RAPGEF1: variants seen among roughly 807,000 people sequenced by gnomAD.
RAPGEF1 encodes CRK SH3-binding GNRP.
In RAPGEF1, 33 loss-of-function variants were observed where a neutral mutation model predicts 143.3. The ratio of observed to expected loss-of-function variants is 0.23; its 90% CI spans 0.17 to 0.31. The LOEUF is 0.31. Ranked by LOEUF, RAPGEF1 falls within the 10% of genes least tolerant of loss-of-function variation. The probability of loss-of-function intolerance (pLI) is 1.00; values close to 1 mark genes in which losing one functional copy is unlikely to be tolerated. For synonymous variants in RAPGEF1, 629 were observed against 676.5 expected, an observed-to-expected ratio of 0.93 and a Z score of 1.09; for missense variants, 1,199 against 1,645.4, an observed-to-expected ratio of 0.73 and a Z score of 4.69.
At chr9:131,672,402 G>A (rs748978785) in intron 1 of RAPGEF1, among the ~76,000 whole-genome samples, 3 of 152,172 alleles carry the variant, frequency 2.0e-5, no homozygotes, top group Non-Finnish European at 2.9e-5. Flanking sequence ...ATCAGATGAC[G>A]GCATCAGTGT....
chr9:131,585,814 G>A (rs1952630566), intron 22 of RAPGEF1, among the ~76,000 whole-genome samples: 1 of 152,042 alleles, frequency 6.6e-6, no homozygotes, highest in South Asian at 2.1e-4. Context: ...CTGCTATGGG[G>A]GCTTTGTCGC....
rs1025074090 is a variant in RAPGEF1, at chr9:131,655,582, G to A, written c.62-4633C>T. On this transcript the variant is annotated intron_variant, in intron 1 of 26. Coordinates refer to ENST00000683357, the MANE Select transcript of RAPGEF1 (RefSeq NM_001377935.1). The surrounding 1 kb of genome is among the most constrained non-coding windows in gnomAD (Gnocchi z 4.1). ...GGATGTGAACAGTCTAATCCTTCAT[G>A]TGATGCTTAAGAGGGTGTGCACTGT... 6.6e-6 allele frequency among the ~76,000 whole-genome samples: 1 copy of A among 152,178 alleles called. No individual in the cohort carries two copies. The highest frequency in any genetic ancestry group is 6.5e-5 in the Admixed American group (1 of 15,282).
chr9:131,721,413 G>A (rs1020165335), intron 1 of RAPGEF1, among the ~76,000 whole-genome samples: 1 of 152,166 alleles, frequency 6.6e-6, no homozygotes, highest in African/African-American at 2.4e-5. Context: ...GAGGCTAGAA[G>A]AGAGGTGCAT....
At chr9:131,630,465 T>TG in intron 5 of RAPGEF1, 141 bp from the exon 6 acceptor site, 11 of 753,536 alleles carry the variant, frequency 1.5e-5, no homozygotes, top group East Asian at 2.7e-5. Context: ...TAAACGCAAG[T>TG]ATCACTTGCC....
intron 1 of RAPGEF1, among the ~76,000 whole-genome samples, chr9:131,718,241 C>T (rs1835997883): frequency 1.3e-5 from 2 of 152,202 alleles, no homozygotes; most frequent in South Asian, 4.1e-4. Flanking sequence ...GCACAAAAGC[C>T]AGTGTGGCTG....
chr9:131,587,158 A>C (rs1953216345), intron 22 of RAPGEF1, among the ~76,000 whole-genome samples: 2 of 126,130 alleles, frequency 1.6e-5, no homozygotes, highest in African/African-American at 6.6e-5. Flanking sequence ...ACACACACAC[A>C]CCTGCAGAGC....
intron 20 of RAPGEF1, 111 bp from the exon 21 acceptor site, chr9:131,588,137 G>C: frequency 1.1e-6 from 1 of 925,866 alleles, no homozygotes; most frequent in South Asian, 1.4e-5. Context: ...TGCCCAGCAG[G>C]AGCGTGGAGG....
chr9:131,716,276 A>C (rs1835857605), intron 1 of RAPGEF1, among the ~76,000 whole-genome samples: 1 of 152,246 alleles, frequency 6.6e-6, no homozygotes. Context: ...TGGCTTTTCA[A>C]GAAGCTTCAT....
At chr9:131,711,315 G>A (rs1351673831) in intron 1 of RAPGEF1, among the ~76,000 whole-genome samples, 1 of 150,562 alleles carries the variant, frequency 6.6e-6, no homozygotes, top group South Asian at 2.1e-4. Context: ...GCCTCCCAAA[G>A]TCCTGGGATT....
In RAPGEF1 at chr9:131,650,322, T is replaced by C. The variant is rs1970761279; in HGVS notation, c.202-80A>G. On this transcript the variant is annotated intron_variant, in intron 2 of 26. Coordinates refer to ENST00000683357, the MANE Select transcript of RAPGEF1 (RefSeq NM_001377935.1). This position sits in a 1 kb window ranked among gnomAD's most constrained non-coding sequence, Gnocchi z 4.7. ...GAAGGGAGGGGTTGATGAAAGTCAA[T>C]AGCTGTTTCAACATATCTGGCTTGA... The C allele has an allele frequency of 9.3e-7, 1 of 1,078,702 alleles. No homozygotes were observed. The highest frequency in any genetic ancestry group is 3.0e-4 in the Middle Eastern group (1 of 3,380). The allele number at this position is 1,078,702 out of a possible 1,614,324, so 66.8% of individuals were successfully genotyped here.
Position 131,628,722 on chromosome 9 carries a change from T to C in RAPGEF1, c.894-50A>G. 1 of 1,538,694 alleles carries C rather than the reference T, an allele frequency of 6.5e-7. No individual in the cohort carries two copies. Among genetic ancestry groups the C allele is most frequent in the Non-Finnish European group, 8.8e-7 (1 of 1,137,722 alleles). ...CAGACCAAACCACACTCACCAAAGC[T>C]CTTCAGCGTGATATTGGGGTACAGG... On this transcript the variant is annotated intron_variant, in intron 7 of 26. Coordinates refer to ENST00000683357, the MANE Select transcript of RAPGEF1 (RefSeq NM_001377935.1). This position sits in a 1 kb window ranked among gnomAD's most constrained non-coding sequence, Gnocchi z 5.7.
At chr9:131,619,481 G>A (rs1281994464) in intron 11 of RAPGEF1, among the ~76,000 whole-genome samples, 1 of 152,206 alleles carries the variant, frequency 6.6e-6, no homozygotes, top group African/African-American at 2.4e-5. Context: ...GGGGGCTGGA[G>A]CCACACAGAA....
At chr9:131,642,935 G>A (rs1968455270) in intron 4 of RAPGEF1, among the ~76,000 whole-genome samples, 1 of 152,156 alleles carries the variant, frequency 6.6e-6, no homozygotes, top group African/African-American at 2.4e-5. Context: ...GTGAATCCAG[G>A]CTCCATGTCC....
At chr9:131,697,147 CAG>C (rs2131075216) in intron 1 of RAPGEF1, among the ~76,000 whole-genome samples, 1 of 152,322 alleles carries the variant, frequency 6.6e-6, no homozygotes, top group Admixed American at 6.5e-5. Context: ...GAAAGCGCAG[CAG>C]AGACAGCAGC....
At chr9:131,697,052 G>A (rs1053568405) in intron 1 of RAPGEF1, among the ~76,000 whole-genome samples, 1 of 152,220 alleles carries the variant, frequency 6.6e-6, no homozygotes, top group African/African-American at 2.4e-5. Flanking sequence ...TACATAAGTA[G>A]CGGGGCTATT....
At chr9:131,731,012 T>C (rs1278180984) in intron 1 of RAPGEF1, among the ~76,000 whole-genome samples, 1 of 152,138 alleles carries the variant, frequency 6.6e-6, no homozygotes. Context: ...GCCAAGAGAA[T>C]AATATCAGAA....
chr9:131,689,539 A>ATT (rs200363817), intron 1 of RAPGEF1, among the ~76,000 whole-genome samples: 4 of 148,118 alleles, frequency 2.7e-5, no homozygotes, highest in South Asian at 2.1e-4. Context: ...AGTAACTTGA[A>ATT]TTTTTTTTTT....
chr9:131,649,077 G>A (rs1009356051), intron 3 of RAPGEF1, among the ~76,000 whole-genome samples: 1 of 152,062 alleles, frequency 6.6e-6, no homozygotes, highest in African/African-American at 2.4e-5. Flanking sequence ...CTGTTACCTA[G>A]GCTGGAGTGC....
chr9:131,580,423 C>T (rs767875046), intron 25 of RAPGEF1, 32 bp from the exon 26 acceptor site: 5 of 1,605,258 alleles, frequency 3.1e-6, no homozygotes, highest in Middle Eastern at 1.7e-4. Context: ...CCTGTTACTG[C>T]TACGGGGTTT....
Sources: allele counts gnomAD v4.1 joint callset (sites outside exome capture counted in the v4.1 genomes callset), GRCh38; gene constraint gnomAD v4.1.1; non-coding constraint Gnocchi (gnomAD v3.1); transcripts MANE v1.5; gene names NCBI Gene and HGNC (gene_info 2026-07-23, HGNC 2026-07-21).